The following MACROD2 variants were observed in gnomAD, a reference collection of about 807,000 sequenced individuals.
MACROD2 encodes mono-ADP ribosylhydrolase 2.
Under a neutral mutation model 70.4 loss-of-function variants are expected in MACROD2, and 36 were observed. The ratio of observed to expected loss-of-function variants is 0.51; its 90% CI spans 0.39 to 0.68. The LOEUF is 0.68. Among genes scored for constraint, MACROD2 ranks in the 30% least tolerant of loss-of-function variants. The pLI is 0.00. For synonymous variants in MACROD2, 172 were observed against 178.8 expected (o/e 0.96, Z 0.30); for missense variants, 496 against 538.4 (o/e 0.92, Z 0.78).
chr20:15,947,080 G>A (rs1484230402), intron 12 of MACROD2, among the ~76,000 whole-genome samples: 9 of 152,154 alleles, frequency 5.9e-5, no homozygotes, highest in African/African-American at 9.7e-5. Flanking sequence ...CTCGACTCCC[G>A]CCACAGGGCG....
At chr20:15,608,733 C>G (rs1417625195) in intron 8 of MACROD2, among the ~76,000 whole-genome samples, 2 of 152,136 alleles carry the variant, frequency 1.3e-5, no homozygotes, top group Non-Finnish European at 2.9e-5. Flanking sequence ...TCTTCACTTC[C>G]TTCTCTTTTG....
intron 3 of MACROD2, among the ~76,000 whole-genome samples, chr20:14,382,876 T>A (rs1014889253): frequency 1.3e-5 from 2 of 152,090 alleles, no homozygotes; most frequent in African/African-American, 4.8e-5. Flanking sequence ...ATATTTGTTA[T>A]CTTGCTTAAA....
At chr20:15,389,276 G>A (rs891804920) in intron 6 of MACROD2, among the ~76,000 whole-genome samples, 1 of 152,178 alleles carries the variant, frequency 6.6e-6, no homozygotes, top group Non-Finnish European at 1.5e-5. Flanking sequence ...AAGAGAGAGA[G>A]GGGCAATGCC....
At chr20:14,322,660 A>G (rs985313058) in intron 3 of MACROD2, among the ~76,000 whole-genome samples, 1 of 152,164 alleles carries the variant, frequency 6.6e-6, no homozygotes, top group African/African-American at 2.4e-5. Context: ...GACAGCAAAC[A>G]AATAATTAAT....
chr20:14,585,340 C>G (rs1261881366), intron 4 of MACROD2, among the ~76,000 whole-genome samples: 6 of 152,228 alleles, frequency 3.9e-5, no homozygotes, highest in African/African-American at 9.6e-5. Flanking sequence ...CCTGATCACA[C>G]TGTGCTACCA....
chr20:14,799,114 C>T (rs2072544309), intron 5 of MACROD2, among the ~76,000 whole-genome samples: 1 of 151,834 alleles, frequency 6.6e-6, no homozygotes, highest in Admixed American at 6.6e-5. Context: ...AGAAGGGGCC[C>T]TTGTAGAATT....
chr20:14,225,762 T>C (rs893620524), intron 3 of MACROD2, among the ~76,000 whole-genome samples: 4 of 152,186 alleles, frequency 2.6e-5, no homozygotes, highest in Admixed American at 2.0e-4. Flanking sequence ...AATATAAAAG[T>C]GCAAGTGGTC....
chr20:14,924,192 G>A (rs1250385430), intron 5 of MACROD2, among the ~76,000 whole-genome samples: 1 of 152,172 alleles, frequency 6.6e-6, no homozygotes, highest in African/African-American at 2.4e-5. Flanking sequence ...TGGGTGTGGT[G>A]GCTTGTGCCT....
chr20:15,110,882 G>C (rs1318539411), intron 5 of MACROD2, among the ~76,000 whole-genome samples: 1 of 152,062 alleles, frequency 6.6e-6, no homozygotes, highest in African/African-American at 2.4e-5. Flanking sequence ...TTTCTTAGTA[G>C]CATATACCAT....
chr20:15,030,986 A>G (rs1021692555), intron 5 of MACROD2, among the ~76,000 whole-genome samples: 3 of 152,138 alleles, frequency 2.0e-5, no homozygotes, highest in Non-Finnish European at 4.4e-5. Context: ...GGCTCGCGCT[A>G]CCAGCCCAGA....
chr20:15,560,737 T>A (rs2048230875), intron 8 of MACROD2, among the ~76,000 whole-genome samples: 1 of 111,638 alleles, frequency 9.0e-6, no homozygotes, highest in East Asian at 2.8e-4. Context: ...CACTCCAGCC[T>A]GGGCCACAGG....
intron 7 of MACROD2, among the ~76,000 whole-genome samples, chr20:15,475,013 A>AG (rs1002445824): frequency 2.4e-5 from 3 of 123,660 alleles, no homozygotes; most frequent in African/African-American, 1.4e-4. Flanking sequence ...GAAAATATTC[A>AG]GAAAAAAAAA....
In MACROD2 at chr20:15,768,761, T is replaced by A. The variant is rs756143844; in HGVS notation, c.646-93984T>A. Among the ~76,000 whole-genome samples, 57 of 152,236 alleles carry A rather than the reference T, an allele frequency of 3.7e-4. 1 individual carries two copies. The highest frequency in any genetic ancestry group is 2.1e-4 in the South Asian group (1 of 4,838). On this transcript the variant is annotated intron_variant, in intron 8 of 17. Transcript: ENST00000684519. ...AGCTATACAAAAATATTTTATTTCT[T>A]TATATCTTTATTCCGTAAGCTTTTT...
chr20:15,820,272 C>T (rs1479389635), intron 8 of MACROD2, among the ~76,000 whole-genome samples: 1 of 152,088 alleles, frequency 6.6e-6, no homozygotes, highest in Non-Finnish European at 1.5e-5. Flanking sequence ...CTCACTGCAG[C>T]CTCAACCTCC....
At chr20:15,272,129 C>G (rs1568683240) in intron 6 of MACROD2, among the ~76,000 whole-genome samples, 2 of 152,064 alleles carry the variant, frequency 1.3e-5, no homozygotes, top group Non-Finnish European at 2.9e-5. Context: ...GCTAAAATGT[C>G]TAATTAGTTA....
At chr20:14,513,211 C>T (rs1332885019) in intron 4 of MACROD2, among the ~76,000 whole-genome samples, 2 of 152,018 alleles carry the variant, frequency 1.3e-5, no homozygotes, top group African/African-American at 4.8e-5. Flanking sequence ...AAGGATATTC[C>T]CTTTTTTCTG....
chr20:14,104,099 T>A (rs2054336942), intron 3 of MACROD2, among the ~76,000 whole-genome samples: 1 of 152,174 alleles, frequency 6.6e-6, no homozygotes, highest in South Asian at 2.1e-4. Flanking sequence ...TTAATTTATA[T>A]CTCAAGGTGT....
intron 3 of MACROD2, among the ~76,000 whole-genome samples, chr20:14,391,197 C>T (rs547594742): frequency 5.1e-4 from 78 of 152,128 alleles, no homozygotes; most frequent in South Asian, 2.5e-3. Flanking sequence ...GCACTAGTCA[C>T]GATAACAAAG....
chr20:15,317,536 T>A (rs1376114794), intron 6 of MACROD2, among the ~76,000 whole-genome samples: 1 of 151,848 alleles, frequency 6.6e-6, no homozygotes, highest in African/African-American at 2.4e-5. Context: ...TGTCTATCTA[T>A]CTCTATCAAG....
Sources: gnomAD v4.1 joint callset for allele counts (sites outside exome capture counted in the v4.1 genomes callset) on GRCh38, gnomAD v4.1.1 for gene constraint, MANE v1.5 for transcripts, NCBI Gene and HGNC (gene_info 2026-07-23, HGNC 2026-07-21) for gene names.